ANO2: variants seen among roughly 807,000 people sequenced by gnomAD.
ANO2 encodes anoctamin-2.
Under a neutral mutation model 124.2 loss-of-function variants are expected in ANO2, and 101 were observed. The ratio of observed to expected loss-of-function variants is 0.81; its 90% CI spans 0.69 to 0.96. The LOEUF (loss-of-function observed/expected upper bound fraction) is 0.96. Ranked by LOEUF, ANO2 falls within the 40% of genes least tolerant of loss-of-function variation. ANO2 has a pLI of 0.00. For missense variants in ANO2, 1,293 were observed against 1,274.5 expected (o/e 1.01, Z -0.22); for synonymous variants, 486 against 482.5 (o/e 1.01, Z -0.09).
chr12:5,752,807 T>C (rs1054779087), intron 10 of ANO2, among the ~76,000 whole-genome samples: 7 of 152,178 alleles, frequency 4.6e-5, no homozygotes, highest in Non-Finnish European at 7.4e-5. Context: ...GTAGAAGCTT[T>C]TTTCCCCTGT....
intron 1 of ANO2, among the ~76,000 whole-genome samples, chr12:5,923,312 C>T (rs1398072406): frequency 6.6e-6 from 1 of 151,384 alleles, no homozygotes; most frequent in African/African-American, 2.4e-5. Flanking sequence ...CCAGCAGGAG[C>T]TCCTTCGGAT....
At chr12:5,782,681 G>C (rs1464001973) in intron 10 of ANO2, among the ~76,000 whole-genome samples, 2 of 152,088 alleles carry the variant, frequency 1.3e-5, no homozygotes, top group Non-Finnish European at 2.9e-5. Flanking sequence ...AGGTTTTTCG[G>C]GTGATTCTGG....
At chr12:5,678,992 G>A (rs576027412) in intron 14 of ANO2, among the ~76,000 whole-genome samples, 1 of 152,342 alleles carries the variant, frequency 6.6e-6, no homozygotes, top group South Asian at 2.1e-4. Flanking sequence ...AGGTGGACAA[G>A]CATTCAGGGA....
intron 14 of ANO2, among the ~76,000 whole-genome samples, chr12:5,706,570 C>T (rs2137034155): frequency 6.6e-6 from 1 of 152,322 alleles, no homozygotes; most frequent in East Asian, 1.9e-4. Context: ...TTCCCTCCAG[C>T]CACTGCCCCA....
At chr12:5,796,137 TCACA>T (rs924671274) in intron 10 of ANO2, among the ~76,000 whole-genome samples, 5 of 150,480 alleles carry the variant, frequency 3.3e-5, no homozygotes, top group African/African-American at 1.2e-4. Flanking sequence ...ACACACACAC[TCACA>T]CACACACAGT....
intron 16 of ANO2, among the ~76,000 whole-genome samples, chr12:5,620,941 G>T (rs1014631882): frequency 2.1e-4 from 32 of 152,060 alleles, no homozygotes; most frequent in African/African-American, 7.7e-4. Context: ...CCACCAAGAG[G>T]CCAGGTCCTC....
Position 5,744,291 on chromosome 12 carries a change from G to A in ANO2, c.1217C>T (p.Ala406Val). The A allele has an allele frequency of 6.2e-7, 1 of 1,613,960 alleles. No individual in the cohort carries two copies. The highest frequency in any genetic ancestry group is 1.1e-5 in the South Asian group (1 of 91,078). Residue 406 changes from alanine to valine, a missense_variant, in exon 12 of 25, where the codon GCC becomes GTC. Transcript: ENST00000682330. ...PSREMCDQQN[A>V]FTMCPLCDKS... ...GTCACACAGGGGACACATGGTGAAGGCATTCTGCTGGTCACACATCTCTCT... is the reference window on the plus strand; with the variant it reads ...GTCACACAGGGGACACATGGTGAAGACATTCTGCTGGTCACACATCTCTCT...
In ANO2 at chr12:5,635,264, T is replaced by C; in HGVS notation, c.1704A>G (p.Thr568=). 1.2e-6 allele frequency: 2 copies of C among 1,612,826 alleles called. No homozygotes were observed. The highest frequency in any genetic ancestry group is 1.7e-6 in the Non-Finnish European group (2 of 1,179,674). ...TAAALSLNKA[T]RSNVRVTVTA... is the part of the protein sequence containing the mutation. ...TCACTGTCACCCGGACATTGGAGCG[T>C]GTAGCCTTATTGAGAGACAGAGCGG... The change falls in exon 16 of 25, where the codon ACA becomes ACG. Residue 568 remains threonine, a synonymous_variant. Transcript: ENST00000682330. This position sits in a 1 kb window ranked among gnomAD's most constrained non-coding sequence, Gnocchi z 5.2.
chr12:5,741,041 T>C (rs1951078221), intron 12 of ANO2: 1 of 152,446 alleles, frequency 6.6e-6, no homozygotes, highest in African/African-American at 2.4e-5. Context: ...TACTGCCCTA[T>C]GTTCATGGCA....
At chr12:5,762,098 GTTTAC>G (rs770766517) in intron 10 of ANO2, among the ~76,000 whole-genome samples, 3 of 151,956 alleles carry the variant, frequency 2.0e-5, no homozygotes, top group Non-Finnish European at 2.9e-5. Flanking sequence ...TTTATGATAT[GTTTAC>G]TTTAGATGTT....
In ANO2 at chr12:5,563,478, A is replaced by G; in HGVS notation, c.2818T>C (p.Leu940=). ...ISDQIKKEKS[L]LVDFFLKEEH... ...TCTTTCAGGAAGAAATCCACTAATAAGCTCTTCTCTTTCTTGATCTGGTCG... is the reference window on the plus strand; with the variant it reads ...TCTTTCAGGAAGAAATCCACTAATAGGCTCTTCTCTTTCTTGATCTGGTCG... The change falls in exon 25 of 25, where the codon TTA becomes CTA. Residue 940 remains leucine, a synonymous_variant. Transcript: ENST00000682330. 3.1e-6 allele frequency: 5 copies of G among 1,613,862 alleles called. No homozygotes were observed. The highest frequency in any genetic ancestry group is 3.4e-6 in the Non-Finnish European group (4 of 1,179,872).
chr12:5,852,090 C>T, intron 4 of ANO2: 1 of 675,392 alleles, frequency 1.5e-6, no homozygotes, highest in Admixed American at 2.1e-5. Context: ...AGAAGGAAGA[C>T]AGAAGAAAGA....
intron 3 of ANO2, among the ~76,000 whole-genome samples, chr12:5,918,922 T>C (rs765158920): frequency 6.6e-6 from 1 of 152,206 alleles, no homozygotes; most frequent in African/African-American, 2.4e-5. Context: ...AAGGCATCTA[T>C]TACTTTGCAG....
chr12:5,748,286 A>C (rs1473537501), intron 11 of ANO2, among the ~76,000 whole-genome samples: 1 of 152,156 alleles, frequency 6.6e-6, no homozygotes, highest in East Asian at 1.9e-4. Context: ...TGCCCCACCC[A>C]CTGCACTGGC....
chr12:5,724,723 G>A (rs1950366749), intron 14 of ANO2, among the ~76,000 whole-genome samples: 1 of 152,110 alleles, frequency 6.6e-6, no homozygotes, highest in South Asian at 2.1e-4. Flanking sequence ...GCCTCCTCTA[G>A]GCTCCTGTCC....
intron 10 of ANO2, among the ~76,000 whole-genome samples, chr12:5,782,273 A>T (rs1479904661): frequency 6.6e-6 from 1 of 152,200 alleles, no homozygotes; most frequent in Non-Finnish European, 1.5e-5. Flanking sequence ...TCTTTTAATT[A>T]GCGTTTATAT....
In ANO2 at chr12:5,562,988, T is replaced by C. The variant is rs1941520912; in HGVS notation, c.*311A>G. The C allele has an allele frequency of 2.2e-5, 8 of 367,154 alleles. No homozygotes were observed. The highest frequency in any genetic ancestry group is 1.1e-4 in the South Asian group (3 of 27,038). 22.7% of individuals were successfully genotyped at this position (367,154 alleles called of 1,614,324 possible). A position where few individuals can be genotyped will look rare whatever the true frequency, so the allele number is the denominator to read the frequency against. On this transcript the variant is annotated 3_prime_UTR_variant, in exon 25 of 25. Transcript: ENST00000682330. Reference sequence around the variant, plus strand: ...GTACAAGAGGGTGCCCCAGGGTACATGGGAATGCTCGCGGTGCCTGAGACT... The same window carrying C: ...GTACAAGAGGGTGCCCCAGGGTACACGGGAATGCTCGCGGTGCCTGAGACT...
chr12:5,820,367 G>A (rs149416659), intron 7 of ANO2, among the ~76,000 whole-genome samples: 31 of 152,264 alleles, frequency 2.0e-4, no homozygotes, highest in African/African-American at 4.6e-4. Flanking sequence ...GACCCAAAAC[G>A]TCATTGTGAT....
intron 15 of ANO2, among the ~76,000 whole-genome samples, chr12:5,640,171 TGAAAA>T (rs1250916296): frequency 6.6e-6 from 1 of 152,160 alleles, no homozygotes; most frequent in African/African-American, 2.4e-5. Context: ...CATCACCCCA[TGAAAA>T]GCATTCCCAA....
Sources: allele counts gnomAD v4.1 joint callset (sites outside exome capture counted in the v4.1 genomes callset), GRCh38; gene constraint gnomAD v4.1.1; non-coding constraint Gnocchi (gnomAD v3.1); transcripts MANE v1.5; gene names NCBI Gene and HGNC (gene_info 2026-07-23, HGNC 2026-07-21).